EXD3: variants seen among roughly 807,000 people sequenced by gnomAD.
The protein encoded by EXD3 is exonuclease mut-7 homolog.
A neutral mutation model predicts 98.0 loss-of-function variants in EXD3; 92 were observed. That is an observed-to-expected ratio of 0.94 (90% CI 0.79 to 1.12). The LOEUF (loss-of-function observed/expected upper bound fraction) is 1.12, where lower values mean the gene tolerates loss of function less well. Ranked by LOEUF, EXD3 falls within the 50% of genes most tolerant of loss-of-function variation. The pLI, the probability that EXD3 is intolerant of heterozygous loss-of-function variation, is 0.00. For synonymous variants in EXD3, 569 were observed against 526.0 expected, an observed-to-expected ratio of 1.08 and a Z score of -1.12; for missense variants, 1,222 against 1,191.6, an observed-to-expected ratio of 1.03 and a Z score of -0.38.
rs1483182680 is a variant in EXD3, at chr9:137,307,625, T to C, written c.2300A>G (p.Gln767Arg). ...RSSGDEATQS[Q>R]AVQEPGPAPD... ...GGGCTCACCTGGCTCCTGCACCGCC[T>C]GGCTCTGGGTGGCCTCGTCACCTGT... The change falls in exon 21 of 22, where the codon CAG becomes CGG. Residue 767 changes from glutamine (Q) to arginine (R), a missense_variant. By Grantham distance (43) the Gln-to-Arg change is conservative (BLOSUM62 1). Coordinates refer to ENST00000340951, the MANE Select transcript of EXD3 (RefSeq NM_017820.5). The C allele has an allele frequency of 1.2e-6, 2 of 1,610,066 alleles. No homozygotes were observed. Among genetic ancestry groups the C allele is most frequent in the Admixed American group, 1.7e-5 (1 of 59,976 alleles).
intron 17 of EXD3, among the ~76,000 whole-genome samples, chr9:137,329,431 GAGCTACACGGGA>G (rs1162873182): frequency 1.1e-4 from 1 of 9,450 alleles, no homozygotes; most frequent in South Asian, 6.8e-3. Context: ...GGCTACACGG[GAGCTACACGGGA>G]GCTACACGGG....
chr9:137,351,501 C>T lies in EXD3; in HGVS notation c.1201G>A (p.Glu401Lys). 3.1e-6 allele frequency: 5 copies of T among 1,595,034 alleles called. No individual in the cohort carries two copies. The highest frequency in any genetic ancestry group is 4.3e-6 in the Non-Finnish European group (5 of 1,172,250). Residue 401 changes from glutamate to lysine, a missense_variant, in exon 13 of 22, where the codon GAG becomes AAG. Transcript: ENST00000340951. ...QCHQVVGVDV[E>K]WTPVFVAGGR... ...CCAGCAACAAACACAGGTGTCCACT[C>T]CACGTCTACACCAACCACTTGGTGG... is the stretch of plus-strand genomic sequence containing the variant.
intron 2 of EXD3, among the ~76,000 whole-genome samples, chr9:137,383,756 T>C (rs1382517765): frequency 6.6e-6 from 1 of 152,166 alleles, no homozygotes; most frequent in African/African-American, 2.4e-5. Context: ...ACCCAAACCC[T>C]GCACCGCAGT....
intron 2 of EXD3, among the ~76,000 whole-genome samples, chr9:137,389,032 C>T (rs1309609485): frequency 6.6e-6 from 1 of 152,180 alleles, no homozygotes; most frequent in Non-Finnish European, 1.5e-5. Context: ...GCCACGCCCA[C>T]CCACCACGCA....
chr9:137,329,002 G>A (rs866528469), intron 17 of EXD3, among the ~76,000 whole-genome samples: 21 of 16,230 alleles, frequency 1.3e-3, no homozygotes, highest in Non-Finnish European at 1.6e-3. Context: ...GCTACACGGG[G>A]CTACACGGGG....
At chr9:137,353,550 G>A in intron 10 of EXD3, 1 of 986,092 alleles carries the variant, frequency 1.0e-6, no homozygotes, top group Non-Finnish European at 1.2e-6. Flanking sequence ...CAATGACCAA[G>A]GGGGTCCTGA....
chr9:137,412,553 C>A (rs1166943317), intron 1 of EXD3, among the ~76,000 whole-genome samples: 2 of 152,148 alleles, frequency 1.3e-5, no homozygotes, highest in Admixed American at 1.3e-4. Flanking sequence ...TCAGTGGGAA[C>A]CAGAAACATT....
intron 7 of EXD3, among the ~76,000 whole-genome samples, chr9:137,362,543 C>T (rs1485673632): frequency 5.3e-5 from 8 of 151,124 alleles, no homozygotes; most frequent in East Asian, 1.9e-4. Context: ...ACTCTGTCCC[C>T]GGAGCGCAGC....
intron 1 of EXD3, among the ~76,000 whole-genome samples, chr9:137,399,410 G>T (rs549872054): frequency 3.3e-5 from 5 of 152,310 alleles, no homozygotes; most frequent in Non-Finnish European, 7.3e-5. Context: ...CACTTCCTGA[G>T]AATTACTTTG....
intron 20 of EXD3, among the ~76,000 whole-genome samples, chr9:137,308,474 T>G (rs1223778889): frequency 3.9e-5 from 6 of 151,980 alleles, no homozygotes; most frequent in Middle Eastern, 3.4e-3. Flanking sequence ...TCGGGTGGGG[T>G]GTGTGCCGTC....
rs1036362521 is a variant in EXD3 at position 137,393,866 on chromosome 9, G to A, written c.55+1437C>T. Among the ~76,000 whole-genome samples the A allele has an allele frequency of 2.6e-5, 4 of 152,154 alleles. No individual in the cohort carries two copies. Among genetic ancestry groups the A allele is most frequent in the Admixed American group, 2.0e-4 (3 of 15,286 alleles). On this transcript the variant is annotated intron_variant, in intron 2 of 21. Coordinates refer to ENST00000340951, the MANE Select transcript of EXD3 (RefSeq NM_017820.5). The surrounding 1 kb of genome is among the most constrained non-coding windows in gnomAD (Gnocchi z 4.6). ...AACAAACTGAGGGCCTGCAGCCCAG[G>A]GCGAGGCGGCTGGGCCAGGGCCTTA...
intron 8 of EXD3, 56 bp downstream of exon 8, chr9:137,356,212 C>A: frequency 3.0e-6 from 4 of 1,344,670 alleles, no homozygotes; most frequent in Non-Finnish European, 4.1e-6. Context: ...ATGTCCCTGG[C>A]CACGCTTGGC....
intron 19 of EXD3, among the ~76,000 whole-genome samples, chr9:137,310,075 G>A (rs1002456036): frequency 1.3e-5 from 2 of 152,254 alleles, no homozygotes; most frequent in Non-Finnish European, 2.9e-5. Flanking sequence ...GTCAGCGTGG[G>A]CAGCCCCATA....
intron 8 of EXD3, 76 bp from the exon 9 acceptor site, chr9:137,354,849 A>G: frequency 6.9e-7 from 1 of 1,440,110 alleles, no homozygotes; most frequent in Admixed American, 2.0e-5. Context: ...CGGGCTGGAG[A>G]CGGGCAGAGG....
At chr9:137,351,919 G>A (rs756646911) in intron 12 of EXD3, 147 bp downstream of exon 12, 12 of 1,019,980 alleles carry the variant, frequency 1.2e-5, no homozygotes, top group South Asian at 6.6e-5. Flanking sequence ...TGTGGGGAAC[G>A]GCTGCCCTCA....
At chr9:137,423,087 T>G (rs1838626526) in intron 1 of EXD3, 27 bp downstream of exon 1, 1 of 151,352 alleles carries the variant, frequency 6.6e-6, no homozygotes, top group Non-Finnish European at 1.5e-5. Context: ...ACCGCCCACC[T>G]GGCCCGCGCG....
chr9:137,391,459 G>T (rs553577366), intron 2 of EXD3, among the ~76,000 whole-genome samples: 1 of 152,344 alleles, frequency 6.6e-6, no homozygotes, highest in Admixed American at 6.5e-5. Flanking sequence ...GGCTCCCATT[G>T]TCCGGAGCCC....
rs1010736019 is a variant in EXD3 at position 137,371,252 on chromosome 9, C to T, written c.462+1653G>A. Among the ~76,000 whole-genome samples the T allele has an allele frequency of 2.6e-5, 4 of 152,352 alleles. No homozygotes were observed. The highest frequency in any genetic ancestry group is 1.9e-4 in the East Asian group (1 of 5,188). On this transcript the variant is annotated intron_variant, in intron 5 of 21. Coordinates refer to ENST00000340951, the MANE Select transcript of EXD3 (RefSeq NM_017820.5). This position sits in a 1 kb window ranked among gnomAD's most constrained non-coding sequence, Gnocchi z 8.0. Reference sequence around the variant, plus strand: ...CTCCGCAGGCACGGCCGCCATTCAGCGTCGCGCCACATGAGGGGGACCCTC... The same window carrying T: ...CTCCGCAGGCACGGCCGCCATTCAGTGTCGCGCCACATGAGGGGGACCCTC...
intron 17 of EXD3, among the ~76,000 whole-genome samples, chr9:137,336,883 T>C (rs1026807438): frequency 8.6e-5 from 13 of 151,914 alleles, no homozygotes; most frequent in African/African-American, 3.1e-4. Context: ...CAAATTAAGA[T>C]AGTACGACTA....
Sources: allele counts gnomAD v4.1 joint callset (sites outside exome capture counted in the v4.1 genomes callset), GRCh38; gene constraint gnomAD v4.1.1; non-coding constraint Gnocchi (gnomAD v3.1); transcripts MANE v1.5; gene names NCBI Gene and HGNC (gene_info 2026-07-23, HGNC 2026-07-21).